The following MACROD2 variants were observed in gnomAD, a reference collection of about 807,000 sequenced individuals.
MACROD2 encodes the protein mono-ADP ribosylhydrolase 2.
In MACROD2, 36 loss-of-function variants were observed where a neutral mutation model predicts 70.4. The observed-to-expected ratio is 0.51, with a 90% confidence interval of 0.39 to 0.68. The LOEUF (loss-of-function observed/expected upper bound fraction) is 0.68, where lower values mean the gene tolerates loss of function less well. MACROD2 is among the 30% of genes least tolerant of loss of function. The pLI is 0.00. For synonymous variants in MACROD2, 172 were observed against 178.8 expected, an observed-to-expected ratio of 0.96 and a Z score of 0.30; for missense variants, 496 against 538.4, an observed-to-expected ratio of 0.92 and a Z score of 0.78.
chr20:14,142,504 G>A (rs1366139468), intron 3 of MACROD2, among the ~76,000 whole-genome samples: 2 of 152,166 alleles, frequency 1.3e-5, no homozygotes, highest in African/African-American at 2.4e-5. Context: ...GAAGGAGCTA[G>A]CATGTCTGGC....
At chr20:15,132,718 G>A (rs1478139522) in intron 5 of MACROD2, among the ~76,000 whole-genome samples, 1 of 151,912 alleles carries the variant, frequency 6.6e-6, no homozygotes, top group Non-Finnish European at 1.5e-5. Flanking sequence ...TTGACAAAAT[G>A]CAAGACCATT....
chr20:14,917,292 A>C (rs1169808707), intron 5 of MACROD2, among the ~76,000 whole-genome samples: 2 of 151,670 alleles, frequency 1.3e-5, no homozygotes, highest in African/African-American at 2.4e-5. Flanking sequence ...TAAGCTCAAA[A>C]TGTTTCCTTA....
chr20:14,809,870 C>G (rs1396880791), intron 5 of MACROD2, among the ~76,000 whole-genome samples: 2 of 151,776 alleles, frequency 1.3e-5, no homozygotes, highest in African/African-American at 4.8e-5. Context: ...TACACTGCCC[C>G]CGCAAGATTA....
chr20:14,656,301 G>T (rs978402251), intron 4 of MACROD2, among the ~76,000 whole-genome samples: 1 of 152,274 alleles, frequency 6.6e-6, no homozygotes, highest in South Asian at 2.1e-4. Context: ...AGAGAGTTGG[G>T]TTGACTAAGA....
At chr20:15,643,850 A>C (rs1217080179) in intron 8 of MACROD2, among the ~76,000 whole-genome samples, 1 of 152,162 alleles carries the variant, frequency 6.6e-6, no homozygotes, top group East Asian at 1.9e-4. Flanking sequence ...ATTCATATAA[A>C]AGCATTTTGG....
intron 8 of MACROD2, among the ~76,000 whole-genome samples, chr20:15,813,641 T>C (rs1340531168): frequency 1.3e-5 from 2 of 152,084 alleles, no homozygotes; most frequent in African/African-American, 2.4e-5. Flanking sequence ...TAGCCAGGCA[T>C]GGTGGCACAT....
At chr20:15,912,454 A>T (rs1298720413) in intron 10 of MACROD2, among the ~76,000 whole-genome samples, 1 of 152,206 alleles carries the variant, frequency 6.6e-6, no homozygotes, top group Admixed American at 6.5e-5. Context: ...TAGATACCTG[A>T]AGTAATGTGA....
chr20:15,201,197 C>A (rs1458556612), intron 5 of MACROD2, among the ~76,000 whole-genome samples: 1 of 152,108 alleles, frequency 6.6e-6, no homozygotes, highest in Admixed American at 6.6e-5. Context: ...CTTAGGTTGT[C>A]TAGAAGGAAA....
At chr20:14,217,614 T>C (rs1190516727) in intron 3 of MACROD2, among the ~76,000 whole-genome samples, 1 of 152,208 alleles carries the variant, frequency 6.6e-6, no homozygotes, top group East Asian at 1.9e-4. Context: ...TCTGGTAGAA[T>C]TCTGCTGTGA....
chr20:14,368,861 T>A (rs1242084182), intron 3 of MACROD2, among the ~76,000 whole-genome samples: 1 of 152,184 alleles, frequency 6.6e-6, no homozygotes, highest in Non-Finnish European at 1.5e-5. Context: ...AAAAAACCTC[T>A]CCTAATGTTT....
Position 16,044,750 on chromosome 20 carries a change from G to C in MACROD2, c.1300+111G>C, listed in dbSNP as rs73898350. ...TTGCCAAGTCCCCACAGCATGGCTT[G>C]GGATAAACCTTGAAAATCTTTAAAC... On this transcript the variant is annotated intron_variant, in intron 17 of 17. Coordinates refer to ENST00000684519, the MANE Select transcript of MACROD2 (RefSeq NM_001351661.2). 6.9e-3 allele frequency: 6,281 copies of C among 914,404 alleles called. 289 individuals are homozygous for C. The African/African-American group carries it at 0.094, about 14-fold the overall frequency. The allele number at this position is 914,404 out of a possible 1,614,324, so 56.6% of individuals were successfully genotyped here. A position where few individuals can be genotyped will look rare whatever the true frequency, so the allele number is the denominator to read the frequency against.
intron 2 of MACROD2, among the ~76,000 whole-genome samples, chr20:14,052,718 A>G (rs116428250): frequency 0.013 from 1,911 of 151,922 alleles, 43 homozygotes; most frequent in East Asian, 0.074. Flanking sequence ...TTTGCAAACC[A>G]TATGTCAGGG....
At chr20:15,051,527 C>G (rs1331128086) in intron 5 of MACROD2, among the ~76,000 whole-genome samples, 1 of 152,112 alleles carries the variant, frequency 6.6e-6, no homozygotes, top group Non-Finnish European at 1.5e-5. Context: ...GAAATTTCCT[C>G]TTCTTCAGGA....
chr20:14,206,267 C>G (rs2081522271), intron 3 of MACROD2, among the ~76,000 whole-genome samples: 1 of 152,194 alleles, frequency 6.6e-6, no homozygotes, highest in Non-Finnish European at 1.5e-5. Flanking sequence ...TGGTTCTTGA[C>G]TGGGAACTTG....
intron 6 of MACROD2, among the ~76,000 whole-genome samples, chr20:15,331,679 T>A (rs1367605641): frequency 6.6e-6 from 1 of 151,688 alleles, no homozygotes; most frequent in Non-Finnish European, 1.5e-5. Flanking sequence ...GACTTTCTTC[T>A]CTTCTCTTGC....
chr20:14,702,597 GTGTGTATATA>G (rs1568747415), intron 5 of MACROD2, among the ~76,000 whole-genome samples: 1 of 4,530 alleles, frequency 2.2e-4, no homozygotes, highest in Non-Finnish European at 4.8e-4. Context: ...GTATATATAT[GTGTGTATATA>G]TATGTGTATA....
At chr20:15,345,283 T>C (rs2078153483) in intron 6 of MACROD2, among the ~76,000 whole-genome samples, 1 of 152,220 alleles carries the variant, frequency 6.6e-6, no homozygotes, top group Admixed American at 6.5e-5. Context: ...ATTCATTTAA[T>C]ATGGGTTTAC....
chr20:15,939,386 T>C (rs1375191982), intron 12 of MACROD2, among the ~76,000 whole-genome samples: 1 of 152,130 alleles, frequency 6.6e-6, no homozygotes, highest in Non-Finnish European at 1.5e-5. Flanking sequence ...AGAATCCTAG[T>C]GCTCTTAACA....
At position 15,279,561 on chromosome 20, in the gene MACROD2, G is replaced by A. The variant is rs376149359; in HGVS notation, c.540+49500G>A. Among the ~76,000 whole-genome samples the A allele has an allele frequency of 1.6e-4, 25 of 152,264 alleles. No individual in the cohort carries two copies. The South Asian group carries it at 5.0e-3, about 30-fold the overall frequency. ...TCAAATATAATAACTTGAGGAAGTT[G>A]GTGAGAAATTGATACAAAAAAGTAA... On this transcript the variant is annotated intron_variant, in intron 6 of 17. Coordinates refer to ENST00000684519, the MANE Select transcript of MACROD2 (RefSeq NM_001351661.2).
Sources: allele counts gnomAD v4.1 joint callset (sites outside exome capture counted in the v4.1 genomes callset), GRCh38; gene constraint gnomAD v4.1.1; transcripts MANE v1.5; gene names NCBI Gene and HGNC (gene_info 2026-07-23, HGNC 2026-07-21).